The following KMT2A variants were observed in gnomAD, a reference collection of about 807,000 sequenced individuals.
KMT2A encodes lysine methyltransferase 2A, also known as histone-lysine N-methyltransferase 2A.
KMT2A carries 16 observed loss-of-function variants against 345.3 expected under a neutral mutation model. The observed-to-expected ratio is 0.05, with a 90% CI of 0.03 to 0.07. KMT2A has a LOEUF of 0.07. Ranked by LOEUF, KMT2A falls within the 10% of genes least tolerant of loss-of-function variation. The pLI is 1.00. For synonymous variants in KMT2A, 1,599 were observed against 1,778.6 expected, an observed-to-expected ratio of 0.90 and a Z score of 2.54; for missense variants, 3,272 against 4,841.6, an observed-to-expected ratio of 0.68 and a Z score of 9.62.
intron 31 of KMT2A, among the ~76,000 whole-genome samples, chr11:118,513,065 T>C (rs1950723716): frequency 1.3e-5 from 2 of 151,934 alleles, no homozygotes; most frequent in African/African-American, 4.8e-5. Context: ...ATACAGAGAA[T>C]ACATCTTTAC....
rs1454124445 is a variant in KMT2A, at chr11:118,499,904, T to C, written c.6149T>C (p.Ile2050Thr). 4 of 1,607,420 alleles carry C rather than the reference T, an allele frequency of 2.5e-6. No individual in the cohort carries two copies. Among genetic ancestry groups the C allele is most frequent in the Non-Finnish European group, 3.4e-6 (4 of 1,174,070 alleles). Residue 2050 changes from isoleucine (I) to threonine (T), a missense_variant, in exon 24 of 36, where the codon ATT (isoleucine) becomes ACT (threonine). By Grantham distance (89) the Ile-to-Thr change is moderately conservative. Coordinates refer to ENST00000534358, the MANE Select transcript of KMT2A (RefSeq NM_001197104.2). Reference sequence around the variant, plus strand: ...GACTGTGAAGATAAGCTCTTTCCTATTGGATATCAGTAAGTAGCACTATAA... The same window carrying C: ...GACTGTGAAGATAAGCTCTTTCCTACTGGATATCAGTAAGTAGCACTATAA... ...LSDCEDKLFP[I>T]GYQCSRVYWS...
At position 118,482,457 on chromosome 11, in the gene KMT2A, C is replaced by T. The variant is rs1178866478; in HGVS notation, c.4048C>T (p.Arg1350Cys). Residue 1350 changes from arginine to cysteine, a missense_variant, in exon 8 of 36, where the codon CGC becomes TGC. Physicochemically the swap from Arg to Cys is radical, Grantham distance 180. Around this residue, in one of 27 missense-constraint regions of KMT2A, gnomAD observed 168 missense variants for 216.0 expected, o/e 0.78. Coordinates refer to ENST00000534358, the MANE Select transcript of KMT2A (RefSeq NM_001197104.2). ...EQSKQKKVAP[R>C]PSIPVKQKPK... ...GAGCAAACAGAAAAAAGTGGCTCCC[C>T]GCCCAAGTATCCCTGTAAAACAAAA... The T allele has an allele frequency of 3.1e-6, 5 of 1,613,082 alleles. No homozygotes were observed. The highest frequency in any genetic ancestry group is 1.3e-5 in the African/African-American group (1 of 74,752).
rs1237391979 is a variant in KMT2A at position 118,459,009 on chromosome 11, G to A, written c.433-9766G>A. Reference sequence around the variant, plus strand: ...TTTTGATACTGTCTATGGTATTGATGTTATTTTCAATTGATTCATTGAAAT... The same window carrying A: ...TTTTGATACTGTCTATGGTATTGATATTATTTTCAATTGATTCATTGAAAT... On this transcript the variant is annotated intron_variant, in intron 1 of 35. Coordinates refer to ENST00000534358, the MANE Select transcript of KMT2A (RefSeq NM_001197104.2). 2.0e-5 allele frequency among the ~76,000 whole-genome samples: 3 copies of A among 152,294 alleles called. No homozygotes were observed. The East Asian group carries it at 5.8e-4, about 29-fold the overall frequency.
chr11:118,483,827 C>T (rs1950184457), intron 8 of KMT2A, among the ~76,000 whole-genome samples: 1 of 152,040 alleles, frequency 6.6e-6, no homozygotes, highest in East Asian at 1.9e-4. Context: ...AGGGCAGGAG[C>T]TGGAGACCAG....
At chr11:118,518,796 A>AG (rs67796916) in intron 31 of KMT2A, among the ~76,000 whole-genome samples, 1 of 138,288 alleles carries the variant, frequency 7.2e-6, no homozygotes, top group Non-Finnish European at 1.6e-5. Flanking sequence ...AAAAAAAAAA[A>AG]GCCGGGCGCG....
rs1555041593 is a variant in KMT2A at position 118,488,662 on chromosome 11, G to A, written c.4381G>A (p.Glu1461Lys). 1.2e-6 allele frequency: 2 copies of A among 1,614,006 alleles called. No homozygotes were observed. The highest frequency in any genetic ancestry group is 1.7e-5 in the Admixed American group (1 of 60,000). Reference sequence around the variant, plus strand: ...TGAGCCCTTCCACAAGTTTTGTTTAGAGGAGAACGAGCGCCCTCTGGAGGA... The same window carrying A: ...TGAGCCCTTCCACAAGTTTTGTTTAAAGGAGAACGAGCGCCCTCTGGAGGA... ...CCEPFHKFCL[E>K]ENERPLEDQL... The change falls in exon 11 of 36, where the codon GAG (glutamate) becomes AAG (lysine). Residue 1461 changes from glutamate to lysine, a missense_variant. Coordinates refer to ENST00000534358, the MANE Select transcript of KMT2A (RefSeq NM_001197104.2).
chr11:118,486,845 G>A (rs545493967), intron 10 of KMT2A, among the ~76,000 whole-genome samples: 4 of 152,028 alleles, frequency 2.6e-5, no homozygotes, highest in East Asian at 1.9e-4. Flanking sequence ...CCATTATCAC[G>A]CCACTGCACT....
chr11:118,489,640 T>C (rs1950293254), intron 11 of KMT2A, 152 bp from the exon 12 acceptor site: 1 of 634,644 alleles, frequency 1.6e-6, no homozygotes, highest in Non-Finnish European at 2.8e-6. Flanking sequence ...ATCTCAATGC[T>C]TTAATTGGGA....
chr11:118,455,100 A>C (rs1949616443), intron 1 of KMT2A, among the ~76,000 whole-genome samples: 1 of 152,134 alleles, frequency 6.6e-6, no homozygotes, highest in Non-Finnish European at 1.5e-5. Context: ...CAGTCAGTTC[A>C]CTGCAGCCTC....
rs201616070 is a variant in KMT2A at position 118,495,160 on chromosome 11, A to ATTT, written c.5363+394_5363+396dup. ...TCTTTTGATTTGATTTTATTTATTTATTTATTTTTTTTTTTTTGAGACGGA... is the reference window on the plus strand; with the variant it reads ...TCTTTTGATTTGATTTTATTTATTTATTTTTTATTTTTTTTTTTTTGAGACGGA... On this transcript the variant is annotated intron_variant, in intron 18 of 35. Transcript: ENST00000534358. This position sits in a 1 kb window ranked among gnomAD's most constrained non-coding sequence, Gnocchi z 4.1. 7.4e-5 allele frequency among the ~76,000 whole-genome samples: 11 copies of ATTT among 148,408 alleles called. No homozygotes were observed. Among genetic ancestry groups the ATTT allele is most frequent in the African/African-American group, 2.5e-4 (10 of 40,036 alleles).
rs2134334245 is a variant in KMT2A, at chr11:118,490,109, TTTCTTTTC to T, written c.4576-10_4576-3del. 6.3e-7 allele frequency: 1 copy of T among 1,596,826 alleles called. No homozygotes were observed. Among genetic ancestry groups the T allele is most frequent in the Non-Finnish European group, 8.5e-7 (1 of 1,175,554 alleles). On this transcript the variant is annotated splice_polypyrimidine_tract_variant and intron_variant, in intron 12 of 35. Transcript: ENST00000534358. The surrounding 1 kb of genome is among the most constrained non-coding windows in gnomAD (Gnocchi z 4.2). ...TTAAAAACAAGAAATTCCTATTGAATTTCTTTTCTTCTTTTCTAGATCTGTACCAAGTG... is the reference window on the plus strand; with the variant it reads ...TTAAAAACAAGAAATTCCTATTGAATTTCTTTTCTAGATCTGTACCAAGTG...
Position 118,520,673 on chromosome 11 carries a change from T to C in KMT2A, c.11430-129T>C. The C allele has an allele frequency of 2.9e-6, 2 of 678,890 alleles. No homozygotes were observed. Among genetic ancestry groups the C allele is most frequent in the Non-Finnish European group, 5.1e-6 (2 of 390,098 alleles). The allele number at this position is 678,890 out of a possible 1,614,324, so 42.1% of individuals were successfully genotyped here. On this transcript the variant is annotated intron_variant, in intron 33 of 35. Transcript: ENST00000534358. The surrounding 1 kb of genome is among the most constrained non-coding windows in gnomAD (Gnocchi z 4.3). ...CTCAAAAAAAAAAGGGGGGCGCTCA[T>C]TTTATAAGGCACTCGTTCAGTTTGG...
Position 118,472,706 on chromosome 11 carries a change from C to G in KMT2A, c.1547C>G (p.Ser516Cys), listed in dbSNP as rs1555036064. The stretch of plus-strand genomic sequence containing the variant: ...GAAGTTCATCCTCCACTGCCCATTT[C>G]CCAGTCCCCAGAAAATGAGAGTAAT... ...TPEVHPPLPI[S>C]QSPENESNDR... is the part of the protein sequence containing the mutation. Residue 516 changes from serine to cysteine, a missense_variant, in exon 3 of 36, where the codon TCC becomes TGC. Coordinates refer to ENST00000534358, the MANE Select transcript of KMT2A (RefSeq NM_001197104.2). 4 of 1,613,448 alleles carry G rather than the reference C, an allele frequency of 2.5e-6. No homozygotes were observed. Among genetic ancestry groups the G allele is most frequent in the Non-Finnish European group, 3.4e-6 (4 of 1,179,920 alleles).
intron 30 of KMT2A, among the ~76,000 whole-genome samples, chr11:118,511,705 G>C (rs1950691317): frequency 6.6e-6 from 1 of 152,312 alleles, no homozygotes; most frequent in East Asian, 1.9e-4. Context: ...ATTTCAGAAG[G>C]TCTGACTTTC....
In KMT2A at chr11:118,471,689, G is replaced by A; in HGVS notation, c.530G>A (p.Gly177Glu). ...SVKTSPRKPR[G>E]RPRSGSDRNS... ...AAAACTAGTCCTCGAAAACCTCGTG[G>A]GAGACCTAGAAGTGGCTCTGACCGA... Residue 177 changes from glycine to glutamate, a missense_variant, in exon 3 of 36, where the codon GGG becomes GAG. Physicochemically the swap from Gly to Glu is moderately conservative, Grantham distance 98 (BLOSUM62 -2). Transcript: ENST00000534358. The A allele has an allele frequency of 6.3e-7, 1 of 1,591,786 alleles. No homozygotes were observed. Among genetic ancestry groups the A allele is most frequent in the Non-Finnish European group, 8.5e-7 (1 of 1,174,210 alleles).
intron 1 of KMT2A, among the ~76,000 whole-genome samples, chr11:118,467,396 T>C (rs748775392): frequency 7.9e-5 from 12 of 151,852 alleles, no homozygotes; most frequent in Non-Finnish European, 1.2e-4. Context: ...AAAAAAATTA[T>C]AATACTTTTT....
chr11:118,451,608 C>T (rs1949539256), intron 1 of KMT2A, among the ~76,000 whole-genome samples: 1 of 151,654 alleles, frequency 6.6e-6, no homozygotes, highest in Admixed American at 6.6e-5. Context: ...AGGCTGGTCT[C>T]GAACTCCTGA....
At chr11:118,437,896 C>T (rs1555139177) in intron 1 of KMT2A, among the ~76,000 whole-genome samples, 1 of 152,088 alleles carries the variant, frequency 6.6e-6, no homozygotes, top group African/African-American at 2.4e-5. Context: ...GAAGGGGGCC[C>T]CTGTGAGGGG....
At chr11:118,518,995 G>T (rs1350612026) in intron 31 of KMT2A, among the ~76,000 whole-genome samples, 4 of 133,216 alleles carry the variant, frequency 3.0e-5, no homozygotes, top group African/African-American at 1.2e-4. Flanking sequence ...GGAGAATGGC[G>T]TGAACCCGGG....
Sources: gnomAD v4.1 joint callset for allele counts (sites outside exome capture counted in the v4.1 genomes callset) on GRCh38, gnomAD v4.1.1 for gene constraint, gnomAD v4.1.1 regional missense constraint, Gnocchi (gnomAD v3.1) non-coding constraint, MANE v1.5 for transcripts, NCBI Gene and HGNC (gene_info 2026-07-23, HGNC 2026-07-21) for gene names.